Variants in HOXC6 observed in about 807,000 individuals in gnomAD.
The protein encoded by HOXC6 is homeobox C6, also known as homeobox protein Hox-C6.
In HOXC6, 10 loss-of-function variants were observed where a neutral mutation model predicts 24.0. That is an observed-to-expected ratio of 0.42 (90% CI 0.26 to 0.71). The LOEUF is 0.71. Ranked by LOEUF, HOXC6 falls within the 30% of genes least tolerant of loss-of-function variation. The probability of loss-of-function intolerance (pLI) is 0.28; values close to 1 mark genes in which losing one functional copy is unlikely to be tolerated. For synonymous variants in HOXC6, 123 were observed against 128.1 expected (o/e 0.96, Z 0.27); for missense variants, 258 against 303.4 (o/e 0.85, Z 1.11).
upstream of HOXC6, among the ~76,000 whole-genome samples, chr12:54,024,866 C>T (rs1940620253): frequency 6.6e-6 from 1 of 152,234 alleles, no homozygotes; most frequent in Admixed American, 6.5e-5. Flanking sequence ...AAATTTCTCT[C>T]CTATAATTAG....
At chr12:54,018,309 C>T (rs1447452730) in intron 1 of HOXC6, among the ~76,000 whole-genome samples, 1 of 152,234 alleles carries the variant, frequency 6.6e-6, no homozygotes, top group Non-Finnish European at 1.5e-5. Context: ...GCCCGCTCGC[C>T]ACGCATGGCT....
upstream of HOXC6, chr12:54,028,306 C>T (rs1180367507): frequency 6.4e-6 from 3 of 467,490 alleles, no homozygotes; most frequent in African/African-American, 5.8e-5. Context: ...TCAAAGCACA[C>T]ACTTAGTCTC....
chr12:54,026,868 C>T (rs954725224), upstream of HOXC6, among the ~76,000 whole-genome samples: 2 of 152,066 alleles, frequency 1.3e-5, no homozygotes, highest in African/African-American at 2.4e-5. Flanking sequence ...TTGATTACTC[C>T]GCTTTGTTAC....
upstream of HOXC6, among the ~76,000 whole-genome samples, chr12:54,025,790 T>A (rs1940668581): frequency 6.6e-6 from 1 of 152,096 alleles, no homozygotes; most frequent in Non-Finnish European, 1.5e-5. Flanking sequence ...CCCACCGACT[T>A]TAGGCCCCAA....
chr12:54,020,895 A>G (rs1940404560), intron 1 of HOXC6: 1 of 151,890 alleles, frequency 6.6e-6, no homozygotes, highest in South Asian at 2.1e-4. Context: ...TTCTCTCCAC[A>G]CCTCCTGGCA....
intron 1 of HOXC6, among the ~76,000 whole-genome samples, chr12:54,019,217 G>T (rs1405052710): frequency 7.1e-6 from 1 of 140,992 alleles, no homozygotes; most frequent in African/African-American, 2.7e-5. Flanking sequence ...CGGCAGAGGC[G>T]TCTGACGAGG....
upstream of HOXC6, among the ~76,000 whole-genome samples, chr12:54,026,308 A>C (rs1940694859): frequency 6.6e-6 from 1 of 152,138 alleles, no homozygotes. Context: ...CTTGCCCTCC[A>C]GGGGGCCTGA....
At position 54,030,204 on chromosome 12, in the gene HOXC6, A is replaced by T; in HGVS notation, c.*242A>T. 1 of 433,582 alleles carries T rather than the reference A, an allele frequency of 2.3e-6. No individual in the cohort carries two copies. The highest frequency in any genetic ancestry group is 3.7e-5 in the East Asian group (1 of 27,234). 26.9% of individuals were successfully genotyped at this position (433,582 alleles called of 1,614,324 possible). The stretch of plus-strand genomic sequence containing the variant: ...TTGCTAGCTCGTTCTCGGCTTGTCT[A>T]CAGGCCCTTTTCCCCGTCCAGGCCT... On this transcript the variant is annotated 3_prime_UTR_variant, in exon 2 of 2. Transcript: ENST00000243108.
At chr12:54,017,283 T>G (rs1441732568) in exon 1 of HOXC6, 2 of 152,158 alleles carry the variant, frequency 1.3e-5, no homozygotes, top group East Asian at 3.8e-4. Flanking sequence ...ATTTTTGAAT[T>G]TATATAAAGT....
intron 1 of HOXC6, chr12:54,020,976 T>C (rs1592221892): frequency 6.6e-6 from 1 of 152,356 alleles, no homozygotes; most frequent in East Asian, 1.9e-4. Flanking sequence ...GCGGGATTCT[T>C]TTCACGGGCA....
upstream of HOXC6, among the ~76,000 whole-genome samples, chr12:54,025,109 G>T (rs1352534853): frequency 1.3e-5 from 2 of 152,170 alleles, no homozygotes; most frequent in Non-Finnish European, 2.9e-5. Context: ...GGGTTGGGGG[G>T]TAGTGTTCTC....
At chr12:54,017,862 C>T (rs896976467) in intron 1 of HOXC6, among the ~76,000 whole-genome samples, 16 of 152,252 alleles carry the variant, frequency 1.1e-4, no homozygotes, top group African/African-American at 2.9e-4. Context: ...AGTTAGCCCC[C>T]CAACCCCCAA....
chr12:54,029,738 T>C lies in HOXC6; in HGVS notation c.484T>C (p.Phe162Leu), dbSNP rs1940908255. ...CCTGGAACTGGAGAAGGAATTTCAC[T>C]TCAATCGCTACCTAACGCGGCGCCG... ...QTLELEKEFH[F>L]NRYLTRRRRI... The change falls in exon 2 of 2, where the codon TTC becomes CTC. Residue 162 changes from phenylalanine (F) to leucine (L), a missense_variant. Phe to Leu is a conservative substitution (Grantham distance 22). Coordinates refer to ENST00000243108, the MANE Select transcript of HOXC6 (RefSeq NM_004503.4). The C allele has an allele frequency of 6.2e-7, 1 of 1,614,186 alleles. No individual in the cohort carries two copies.
upstream of HOXC6, among the ~76,000 whole-genome samples, chr12:54,023,831 T>C (rs1300973650): frequency 1.3e-5 from 2 of 152,096 alleles, no homozygotes; most frequent in Admixed American, 6.6e-5. Flanking sequence ...CCCCATCATA[T>C]CTATGGGAAA....
Position 54,029,983 on chromosome 12 carries a change from C to T in HOXC6, c.*21C>T, listed in dbSNP as rs779937440. 2.0e-6 allele frequency: 3 copies of T among 1,505,170 alleles called. No homozygotes were observed. In the African/African-American group the frequency reaches 4.2e-5, roughly 21 times the overall value. The allele number at this position is 1,505,170 out of a possible 1,614,324, so 93.2% of individuals were successfully genotyped here. A position where few individuals can be genotyped will look rare whatever the true frequency, so the allele number is the denominator to read the frequency against. ...AGTGACCAGGACTGTCCCTGCCACC[C>T]CTCTCTCCCTTTCTCCCTCGCTCCC... is the stretch of plus-strand genomic sequence containing the variant. On this transcript the variant is annotated 3_prime_UTR_variant, in exon 2 of 2. Transcript: ENST00000243108.
chr12:54,018,976 T>A (rs1940297394), intron 1 of HOXC6, among the ~76,000 whole-genome samples: 1 of 152,074 alleles, frequency 6.6e-6, no homozygotes, highest in African/African-American at 2.4e-5. Flanking sequence ...GAAACCTGTT[T>A]TTATCAAATT....
At chr12:54,027,363 A>T (rs994657329), upstream of HOXC6, among the ~76,000 whole-genome samples, 3 of 152,144 alleles carry the variant, frequency 2.0e-5, no homozygotes, top group Admixed American at 6.5e-5. Context: ...TGGAGGGGGC[A>T]GGGGGGCTTC....
intron 1 of HOXC6, among the ~76,000 whole-genome samples, chr12:54,018,811 T>C (rs1018604514): frequency 2.0e-5 from 3 of 152,000 alleles, no homozygotes; most frequent in African/African-American, 4.8e-5. Flanking sequence ...GGGCCAGACT[T>C]ACCTTAATCT....
chr12:54,024,361 G>A (rs1940591235), upstream of HOXC6, among the ~76,000 whole-genome samples: 1 of 152,122 alleles, frequency 6.6e-6, no homozygotes, highest in Admixed American at 6.5e-5. Flanking sequence ...GCAGCCTCAG[G>A]AGGCACCGAG....
Sources: allele counts gnomAD v4.1 joint callset (sites outside exome capture counted in the v4.1 genomes callset), GRCh38; gene constraint gnomAD v4.1.1; transcripts MANE v1.5; gene names NCBI Gene and HGNC (gene_info 2026-07-23, HGNC 2026-07-21).